The following LEKR1 variants were observed in gnomAD, a reference collection of about 807,000 sequenced individuals.
LEKR1 encodes protein LEKR1.
In LEKR1, 59 loss-of-function variants were observed where a neutral mutation model predicts 72.4. That is an observed-to-expected ratio of 0.82 (90% confidence interval 0.66 to 1.01). LEKR1 has a LOEUF of 1.01. LEKR1 is among the 50% of genes least tolerant of loss of function. LEKR1 has a pLI of 0.00. For missense variants in LEKR1, 728 were observed against 759.2 expected (o/e 0.96, Z 0.48); for synonymous variants, 257 against 263.2 (o/e 0.98, Z 0.23).
At chr3:156,869,977 T>G (rs1473684450) in intron 3 of LEKR1, among the ~76,000 whole-genome samples, 1 of 152,042 alleles carries the variant, frequency 6.6e-6, no homozygotes, top group Non-Finnish European at 1.5e-5. Context: ...TTTCCCAGTG[T>G]GTGTTCTTGG....
chr3:156,977,092 A>G (rs976747536), intron 6 of LEKR1, among the ~76,000 whole-genome samples: 1 of 152,178 alleles, frequency 6.6e-6, no homozygotes, highest in Non-Finnish European at 1.5e-5. Flanking sequence ...AGAGCTGAGC[A>G]TGCCTTCTTC....
At chr3:156,887,068 A>C (rs1314165485) in intron 3 of LEKR1, among the ~76,000 whole-genome samples, 2 of 152,138 alleles carry the variant, frequency 1.3e-5, no homozygotes, top group African/African-American at 4.8e-5. Flanking sequence ...CTTATAGTAC[A>C]TGGAGCTTCC....
chr3:156,931,468 G>A (rs985160762), intron 5 of LEKR1, among the ~76,000 whole-genome samples: 1 of 152,016 alleles, frequency 6.6e-6, no homozygotes, highest in Non-Finnish European at 1.5e-5. Context: ...ACATCTATCC[G>A]AAGTCCCTGA....
intron 3 of LEKR1, among the ~76,000 whole-genome samples, chr3:156,859,393 T>C (rs964745067): frequency 6.6e-6 from 1 of 152,226 alleles, no homozygotes; most frequent in African/African-American, 2.4e-5. Context: ...TTATAGTTTG[T>C]ATCTTTACAC....
chr3:156,933,559 C>T (rs1053135649), intron 5 of LEKR1, among the ~76,000 whole-genome samples: 10 of 152,024 alleles, frequency 6.6e-5, no homozygotes, highest in Non-Finnish European at 1.0e-4. Flanking sequence ...TGGTAATGTT[C>T]TCATTTTTGA....
intron 9 of LEKR1, among the ~76,000 whole-genome samples, chr3:157,004,090 G>A (rs1732224495): frequency 6.6e-6 from 1 of 151,928 alleles, no homozygotes; most frequent in African/African-American, 2.4e-5. Context: ...GCTGCCTGCA[G>A]GAAACATATT....
chr3:156,919,860 A>G (rs1560080285), intron 3 of LEKR1, among the ~76,000 whole-genome samples: 1 of 152,252 alleles, frequency 6.6e-6, no homozygotes, highest in East Asian at 1.9e-4. Flanking sequence ...TTTCATGTTT[A>G]TATACTTACA....
At chr3:156,980,989 C>A (rs1730148016) in intron 7 of LEKR1, among the ~76,000 whole-genome samples, 1 of 152,126 alleles carries the variant, frequency 6.6e-6, no homozygotes, top group African/African-American at 2.4e-5. Context: ...GATTATAATA[C>A]CGTATATTTA....
intron 3 of LEKR1, among the ~76,000 whole-genome samples, chr3:156,889,899 T>TA (rs1720485861): frequency 1.3e-5 from 2 of 152,230 alleles, no homozygotes; most frequent in Non-Finnish European, 2.9e-5. Context: ...ATAGTCCAAC[T>TA]ACATAACGTA....
At chr3:156,840,192 G>A (rs1324466196) in intron 2 of LEKR1, among the ~76,000 whole-genome samples, 1 of 152,186 alleles carries the variant, frequency 6.6e-6, no homozygotes, top group Non-Finnish European at 1.5e-5. Flanking sequence ...CCTGTCAACA[G>A]TAGGCTATTA....
intron 10 of LEKR1, among the ~76,000 whole-genome samples, chr3:157,016,118 G>GT (rs1733306425): frequency 6.6e-6 from 1 of 152,078 alleles, no homozygotes; most frequent in African/African-American, 2.4e-5. Context: ...CAATATATGT[G>GT]TAATTGAAAT....
intron 3 of LEKR1, among the ~76,000 whole-genome samples, chr3:156,878,354 T>G (rs1718867387): frequency 6.6e-6 from 1 of 152,226 alleles, no homozygotes; most frequent in South Asian, 2.1e-4. Flanking sequence ...AAAGAGTTTT[T>G]AAATTTCCCT....
chr3:157,008,026 T>G (rs923138571), intron 9 of LEKR1, among the ~76,000 whole-genome samples: 15 of 152,196 alleles, frequency 9.9e-5, no homozygotes. Context: ...AAGCCCTGAG[T>G]AAAATTTTTG....
chr3:156,935,808 A>G (rs1010232980), intron 5 of LEKR1, among the ~76,000 whole-genome samples: 4 of 152,212 alleles, frequency 2.6e-5, no homozygotes, highest in Non-Finnish European at 5.9e-5. Context: ...GTGGAATGAA[A>G]TAAAATACAC....
At chr3:157,041,328 C>A (rs910679413) in intron 12 of LEKR1, among the ~76,000 whole-genome samples, 1 of 152,172 alleles carries the variant, frequency 6.6e-6, no homozygotes, top group Admixed American at 6.5e-5. Flanking sequence ...TGGCTCCCAT[C>A]TTGCTCAACT....
chr3:156,899,303 T>TAC (rs1395197977), intron 3 of LEKR1, among the ~76,000 whole-genome samples: 1 of 145,940 alleles, frequency 6.9e-6, no homozygotes, highest in African/African-American at 2.5e-5. Context: ...TATACATATA[T>TAC]ACATACACAC....
intron 9 of LEKR1, among the ~76,000 whole-genome samples, chr3:157,004,282 C>T (rs12638952): frequency 0.51 from 77,695 of 151,896 alleles, 22,718 homozygotes; most frequent in South Asian, 0.79. Flanking sequence ...GGACATAACA[C>T]TTCTAAATAT....
At chr3:156,931,293 T>C (rs575706161) in intron 5 of LEKR1, among the ~76,000 whole-genome samples, 4 of 152,250 alleles carry the variant, frequency 2.6e-5, no homozygotes, top group Non-Finnish European at 5.9e-5. Context: ...ACAAGAATGT[T>C]CTCAACATTA....
chr3:157,012,260 C>T (rs1732949267), intron 10 of LEKR1, among the ~76,000 whole-genome samples: 1 of 152,104 alleles, frequency 6.6e-6, no homozygotes, highest in Non-Finnish European at 1.5e-5. Context: ...CCAACTCATT[C>T]TCTTACGTGA....
Sources: allele counts gnomAD v4.1 joint callset (sites outside exome capture counted in the v4.1 genomes callset), GRCh38; gene constraint gnomAD v4.1.1; transcripts MANE v1.5; gene names NCBI Gene and HGNC (gene_info 2026-07-23, HGNC 2026-07-21).